MGA: variants seen among roughly 807,000 people sequenced by gnomAD.
The protein encoded by MGA is MAX gene-associated protein.
Under a neutral mutation model 261.1 loss-of-function variants are expected in MGA, and 40 were observed. That is an observed-to-expected ratio of 0.15 (90% CI 0.12 to 0.20). The LOEUF is 0.20. Among genes scored for constraint, MGA ranks in the 10% least tolerant of loss-of-function variants. The pLI, the probability that MGA is intolerant of heterozygous loss-of-function variation, is 1.00. For missense variants in MGA, 3,397 were observed against 3,630.5 expected (o/e 0.94, Z 1.65); for synonymous variants, 1,302 against 1,290.6 (o/e 1.01, Z -0.19).
chr15:41,712,176 A>G (rs945801990), intron 8 of MGA, among the ~76,000 whole-genome samples: 4 of 152,074 alleles, frequency 2.6e-5, no homozygotes, highest in African/African-American at 9.7e-5. Context: ...TCTATTGATG[A>G]TGTACCTATC....
rs773976460 is a variant in MGA at position 41,766,666 on chromosome 15, G to A, written c.8584G>A (p.Ala2862Thr). Reference sequence around the variant, plus strand: ...AGAGTTCCCAGGGGATGCTCGGCGGGCTTTTATTAGTAAGGTTCCTCCTGG... The same window carrying A: ...AGAGTTCCCAGGGGATGCTCGGCGGACTTTTATTAGTAAGGTTCCTCCTGG... The change falls in exon 24 of 24, where the codon GCT becomes ACT. Residue 2862 changes from alanine to threonine, a missense_variant. Coordinates refer to ENST00000219905, the MANE Select transcript of MGA (RefSeq NM_001164273.2). 6.2e-7 allele frequency: 1 copy of A among 1,613,982 alleles called. No individual in the cohort carries two copies. Among genetic ancestry groups the A allele is most frequent in the Admixed American group, 1.7e-5 (1 of 60,024 alleles).
chr15:41,665,664 G>A (rs897648044), intron 1 of MGA, among the ~76,000 whole-genome samples: 4 of 151,816 alleles, frequency 2.6e-5, no homozygotes, highest in African/African-American at 7.3e-5. Context: ...CACCATGGCC[G>A]GCCTCATTTC....
intron 9 of MGA, among the ~76,000 whole-genome samples, chr15:41,725,934 A>G (rs1002861809): frequency 6.6e-6 from 1 of 152,112 alleles, no homozygotes; most frequent in African/African-American, 2.4e-5. Context: ...TTAAGTAATC[A>G]ATGCATATTT....
intron 15 of MGA, among the ~76,000 whole-genome samples, chr15:41,745,590 T>TA (rs146306440): frequency 2.6e-5 from 4 of 151,348 alleles, no homozygotes; most frequent in African/African-American, 4.8e-5. Flanking sequence ...TATTTTTATT[T>TA]AAAAAAAATA....
In MGA at chr15:41,696,411, A is replaced by T; in HGVS notation, c.1401A>T (p.Pro467=). 6.2e-7 allele frequency: 1 copy of T among 1,613,986 alleles called. No homozygotes were observed. Among genetic ancestry groups the T allele is most frequent in the South Asian group, 1.1e-5 (1 of 91,080 alleles). The change falls in exon 3 of 24, where the codon CCA becomes CCT. Residue 467 remains proline, a synonymous_variant. Coordinates refer to ENST00000219905, the MANE Select transcript of MGA (RefSeq NM_001164273.2). ...TCAAATTAGACACTGGAAAGATGCC[A>T]GTAGTCTATCTGGAGCCCTGTGCTG... is the stretch of plus-strand genomic sequence containing the variant.
intron 8 of MGA, among the ~76,000 whole-genome samples, chr15:41,711,820 C>T (rs1037223517): frequency 5.3e-5 from 8 of 152,034 alleles, no homozygotes; most frequent in African/African-American, 7.2e-5. Context: ...CTCAGCCTTT[C>T]GAGTAGCTGG....
intron 8 of MGA, 22 bp from the exon 9 acceptor site, chr15:41,713,129 C>T (rs749733948): frequency 1.2e-6 from 2 of 1,601,278 alleles, no homozygotes; most frequent in South Asian, 1.1e-5. Context: ...AGTGGAATTA[C>T]AATTTTCTCC....
chr15:41,654,075 A>ATCC (rs2057119182), intron 1 of MGA, among the ~76,000 whole-genome samples: 1 of 1,840 alleles, frequency 5.4e-4, no homozygotes, highest in South Asian at 0.083. Flanking sequence ...CTTGGCTAAT[A>ATCC]TCCTCTTCTG....
At chr15:41,685,975 A>T (rs1595714054) in intron 2 of MGA, among the ~76,000 whole-genome samples, 1 of 150,798 alleles carries the variant, frequency 6.6e-6, no homozygotes, top group African/African-American at 2.4e-5. Context: ...ACTGCACTCC[A>T]GCCTGGGTGA....
At chr15:41,624,746 A>G (rs767957133) in intron 1 of MGA, among the ~76,000 whole-genome samples, 1 of 152,238 alleles carries the variant, frequency 6.6e-6, no homozygotes, top group Non-Finnish European at 1.5e-5. Context: ...CTGGGATTAC[A>G]GGAGTGAGCC....
In MGA at chr15:41,698,950, A is replaced by G. The variant is rs1003797952; in HGVS notation, c.2092+9A>G. 6.5e-7 allele frequency: 1 copy of G among 1,547,338 alleles called. No individual in the cohort carries two copies. Among genetic ancestry groups the G allele is most frequent in the East Asian group, 2.4e-5 (1 of 40,894 alleles). On this transcript the variant is annotated intron_variant, in intron 4 of 23. Coordinates refer to ENST00000219905, the MANE Select transcript of MGA (RefSeq NM_001164273.2). ...AACCACAAATGACTCAGGTATTATAAAATAGTATAAAAAGAGTTGTATTTG... is the reference window on the plus strand; with the variant it reads ...AACCACAAATGACTCAGGTATTATAGAATAGTATAAAAAGAGTTGTATTTG...
chr15:41,760,229 A>G (rs1379118134), intron 19 of MGA, 94 bp from the exon 20 acceptor site: 11 of 1,174,060 alleles, frequency 9.4e-6, no homozygotes, highest in Non-Finnish European at 1.4e-5. Flanking sequence ...GACAAAAGGT[A>G]ATGAGTGCCT....
chr15:41,748,973 G>T (rs2062675279), intron 16 of MGA, 46 bp downstream of exon 16: 3 of 1,591,592 alleles, frequency 1.9e-6, no homozygotes, highest in Non-Finnish European at 2.6e-6. Flanking sequence ...GAATCACTTG[G>T]CCATATGGTA....
intron 4 of MGA, 60 bp from the exon 5 acceptor site, chr15:41,699,004 A>C: frequency 2.6e-6 from 4 of 1,552,810 alleles, no homozygotes; most frequent in Non-Finnish European, 3.5e-6. Context: ...TGAAACATGC[A>C]ACATTCATTT....
chr15:41,701,231 C>T (rs2059836663), intron 5 of MGA, among the ~76,000 whole-genome samples: 1 of 152,018 alleles, frequency 6.6e-6, no homozygotes, highest in South Asian at 2.1e-4. Flanking sequence ...AACCTGTCTT[C>T]TCCCTTTTCC....
intron 1 of MGA, among the ~76,000 whole-genome samples, chr15:41,637,278 G>T (rs1026440263): frequency 6.6e-6 from 1 of 152,122 alleles, no homozygotes; most frequent in African/African-American, 2.4e-5. Flanking sequence ...GTCATGGTTC[G>T]TATCATATTG....
chr15:41,649,396 G>T (rs927040796), intron 1 of MGA, among the ~76,000 whole-genome samples: 2 of 144,854 alleles, frequency 1.4e-5, no homozygotes, highest in African/African-American at 2.5e-5. Context: ...AAAAAAAAAG[G>T]ACATATAGTC....
In MGA at chr15:41,725,864, AT is replaced by A. The variant is rs1239168169; in HGVS notation, c.3431-1315del. On this transcript the variant is annotated intron_variant, in intron 9 of 23. Transcript: ENST00000219905. Reference sequence around the variant, plus strand: ...AAAAAAAAAAAAAAAAAATAAATAAATAAATAAATAAATAAGTAAACCCAGG... The same window carrying A: ...AAAAAAAAAAAAAAAAAATAAATAAAAAATAAATAAATAAGTAAACCCAGG... 5.4e-4 allele frequency among the ~76,000 whole-genome samples: 5 copies of A among 9,298 alleles called. 2 individuals are homozygous for A. Among genetic ancestry groups the A allele is most frequent in the East Asian group, 5.9e-3 (1 of 170 alleles). 6.1% of individuals were successfully genotyped at this position (9,298 alleles called of 152,430 possible).
chr15:41,686,004 C>CA (rs34711774), intron 2 of MGA, among the ~76,000 whole-genome samples: 3,469 of 129,070 alleles, frequency 0.027, 61 homozygotes, highest in South Asian at 0.054. Flanking sequence ...GACTCTGTCT[C>CA]AAAAAAAAAA....
Sources: allele counts gnomAD v4.1 joint callset (sites outside exome capture counted in the v4.1 genomes callset), GRCh38; gene constraint gnomAD v4.1.1; transcripts MANE v1.5; gene names NCBI Gene and HGNC (gene_info 2026-07-23, HGNC 2026-07-21).